Variants in VPS26C observed in about 807,000 individuals in gnomAD.
The protein encoded by VPS26C is vacuolar protein sorting-associated protein 26C.
VPS26C carries 19 observed loss-of-function variants against 30.6 expected under a neutral mutation model. The ratio of observed to expected loss-of-function variants is 0.62; its 90% confidence interval spans 0.43 to 0.91. The LOEUF is 0.91. Among genes scored for constraint, VPS26C ranks in the 40% least tolerant of loss-of-function variants. VPS26C has a pLI of 0.00. For missense variants in VPS26C, 318 were observed against 385.1 expected (o/e 0.83, Z 1.46); for synonymous variants, 132 against 151.5 (o/e 0.87, Z 0.95).
At chr21:37,263,203 A>G (rs1443191856) in intron 1 of VPS26C, among the ~76,000 whole-genome samples, 1 of 152,230 alleles carries the variant, frequency 6.6e-6, no homozygotes, top group Non-Finnish European at 1.5e-5. Flanking sequence ...TCTGGTGTCC[A>G]CAGAATCAAG....
Position 37,232,450 on chromosome 21 carries a change from G to A in VPS26C, c.434C>T (p.Pro145Leu). 2.5e-6 allele frequency: 4 copies of A among 1,614,048 alleles called. No individual in the cohort carries two copies. In the South Asian group the frequency reaches 4.4e-5, roughly 18 times the overall value. The change falls in exon 5 of 8, where the codon CCT (proline) becomes CTT (leucine). Residue 145 changes from proline to leucine, a missense_variant and splice_region_variant. Physicochemically the swap from Pro to Leu is moderately conservative, Grantham distance 98. Transcript: ENST00000309117. ...KTCEFIVHSA[P>L]QKGKFTPSPV... ...ACTGGGAGTAAACTTCCCCTTCTGA[G>A]GCTAAAACGAGAGGTGAAACCGAAA...
chr21:37,255,254 C>T (rs2086230899), intron 1 of VPS26C, among the ~76,000 whole-genome samples: 1 of 152,154 alleles, frequency 6.6e-6, no homozygotes, highest in Non-Finnish European at 1.5e-5. Context: ...CTGCTTGCTG[C>T]TCCTTTCCCA....
At chr21:37,262,224 G>A (rs927092804) in intron 1 of VPS26C, among the ~76,000 whole-genome samples, 6 of 152,188 alleles carry the variant, frequency 3.9e-5, no homozygotes, top group Non-Finnish European at 8.8e-5. Flanking sequence ...AAAGGACTCA[G>A]GTTGCGTCCC....
intron 1 of VPS26C, among the ~76,000 whole-genome samples, chr21:37,254,171 G>C (rs1419716971): frequency 1.3e-5 from 2 of 152,162 alleles, no homozygotes; most frequent in African/African-American, 4.8e-5. Context: ...ACTTATATAT[G>C]AACAACCAAA....
At chr21:37,239,546 G>C (rs1185852088) in intron 2 of VPS26C, among the ~76,000 whole-genome samples, 1 of 150,896 alleles carries the variant, frequency 6.6e-6, no homozygotes, top group Non-Finnish European at 1.5e-5. Flanking sequence ...TGACAGTTTT[G>C]ATTTTGGAAG....
At chr21:37,237,711 G>A (rs138107909) in intron 3 of VPS26C, 31 of 152,274 alleles carry the variant, frequency 2.0e-4, no homozygotes, top group African/African-American at 6.3e-4. Context: ...GGGTTTGGGG[G>A]GCTTTTATTT....
chr21:37,235,962 C>T (rs1642912667), intron 3 of VPS26C, among the ~76,000 whole-genome samples: 2 of 150,360 alleles, frequency 1.3e-5, no homozygotes, highest in South Asian at 4.2e-4. Context: ...CTTCTGGGCT[C>T]AAGTGATTCT....
rs1172106726 is a variant in VPS26C at position 37,267,303 on chromosome 21, C to A, written c.-9G>T. 3 of 1,493,500 alleles carry A rather than the reference C, an allele frequency of 2.0e-6. No individual in the cohort carries two copies. Among genetic ancestry groups the A allele is most frequent in the African/African-American group, 1.4e-5 (1 of 70,144 alleles). 92.5% of individuals were successfully genotyped at this position (1,493,500 alleles called of 1,614,324 possible). A position where few individuals can be genotyped will look rare whatever the true frequency, so the allele number is the denominator to read the frequency against. On this transcript the variant is annotated 5_prime_UTR_variant, in exon 1 of 8. Transcript: ENST00000309117. The stretch of plus-strand genomic sequence containing the variant: ...TCCAGGGCGGTCCCCATCTCCAATT[C>A]TCCGCAGCAGCCGCCACTTCCGGCT...
In VPS26C at chr21:37,264,007, T is replaced by C. The variant is rs77237694; in HGVS notation, c.57+3231A>G. ...CTCAAGGACCAGACAGCAAGGATCC[T>C]GCTACGTGAGGCTTGGAAAACAGCC... On this transcript the variant is annotated intron_variant, in intron 1 of 7. Coordinates refer to ENST00000309117, the MANE Select transcript of VPS26C (RefSeq NM_006052.2). Among the ~76,000 whole-genome samples, 224 of 152,280 alleles carry C rather than the reference T, an allele frequency of 1.5e-3. 1 individual carries two copies. Among genetic ancestry groups the C allele is most frequent in the African/African-American group, 5.2e-3 (217 of 41,562 alleles).
chr21:37,238,459 C>T lies in VPS26C; in HGVS notation c.351+1G>A, dbSNP rs2086047711. On this transcript the variant is annotated splice_donor_variant, in intron 3 of 7. Coordinates refer to ENST00000309117, the MANE Select transcript of VPS26C (RefSeq NM_006052.2). LOFTEE classifies it high-confidence loss of function. ...GTCGCGTAGGACTAGGAAGCTCTCA[C>T]CTGAATGTTGACAAACACGCCATGA... is the stretch of plus-strand genomic sequence containing the variant. The T allele has an allele frequency of 1.9e-6, 3 of 1,613,812 alleles. No individual in the cohort carries two copies. In the East Asian group the frequency reaches 6.7e-5, roughly 36 times the overall value.
intron 1 of VPS26C, among the ~76,000 whole-genome samples, chr21:37,241,734 A>G (rs1456571475): frequency 1.3e-5 from 2 of 152,186 alleles, no homozygotes; most frequent in African/African-American, 4.8e-5. Flanking sequence ...AGGTGGGAGA[A>G]TTGCTTGAGC....
chr21:37,238,351 AAC>A, intron 3 of VPS26C, 107 bp downstream of exon 3: 1 of 1,289,538 alleles, frequency 7.8e-7, no homozygotes, highest in Non-Finnish European at 1.1e-6. Flanking sequence ...CTCAGCAATA[AAC>A]ACAGTATTAA....
chr21:37,267,085 C>T, intron 1 of VPS26C, 153 bp downstream of exon 1: 2 of 752,862 alleles, frequency 2.7e-6, no homozygotes, highest in Non-Finnish European at 4.7e-6. Flanking sequence ...CGGGGACGCA[C>T]CTGGCGGGAA....
intron 7 of VPS26C, 61 bp downstream of exon 7, chr21:37,227,593 C>A (rs1453829554): frequency 4.4e-6 from 7 of 1,585,292 alleles, no homozygotes. Flanking sequence ...CCACAGCAGG[C>A]CCTGGCGCTG....
At chr21:37,267,012 G>A (rs918150439) in intron 1 of VPS26C, 5 of 570,508 alleles carry the variant, frequency 8.8e-6, no homozygotes, top group African/African-American at 8.1e-5. Context: ...CCGCAGATGC[G>A]GCGGCGGCGC....
In VPS26C at chr21:37,257,960, C is replaced by CCTGCG. The variant is rs1335129599; in HGVS notation, c.57+9273_57+9277dup. 4.6e-5 allele frequency among the ~76,000 whole-genome samples: 7 copies of CCTGCG among 152,348 alleles called. No individual in the cohort carries two copies. Among genetic ancestry groups the CCTGCG allele is most frequent in the Non-Finnish European group, 8.8e-5 (6 of 68,032 alleles). On this transcript the variant is annotated intron_variant, in intron 1 of 7. Transcript: ENST00000309117. The surrounding 1 kb of genome is among the most constrained non-coding windows in gnomAD (Gnocchi z 4.2). Reference sequence around the variant, plus strand: ...CCCACCAGCCGGCAGCGCCCACCAGCCTGCGCTGCGCTGCACATGGTACCC... The same window carrying CCTGCG: ...CCCACCAGCCGGCAGCGCCCACCAGCCTGCGCTGCGCTGCGCTGCACATGGTACCC...
At chr21:37,239,928 T>C (rs1271515886) in intron 2 of VPS26C, among the ~76,000 whole-genome samples, 2 of 152,126 alleles carry the variant, frequency 1.3e-5, no homozygotes, top group African/African-American at 4.8e-5. Context: ...AATTAATACA[T>C]TTATAGTTCT....
intron 5 of VPS26C, 74 bp downstream of exon 5, chr21:37,232,303 C>T (rs1014312120): frequency 4.3e-5 from 55 of 1,284,096 alleles, no homozygotes; most frequent in Non-Finnish European, 4.8e-5. Flanking sequence ...GAAGACCACC[C>T]GGGCAATAGC....
intron 3 of VPS26C, among the ~76,000 whole-genome samples, chr21:37,238,045 A>G (rs1402269326): frequency 1.4e-4 from 21 of 152,376 alleles, no homozygotes; most frequent in Non-Finnish European, 2.4e-4. Context: ...AGGTTTGTTC[A>G]GTAAAGAACA....
Sources: gnomAD v4.1 joint callset for allele counts (sites outside exome capture counted in the v4.1 genomes callset) on GRCh38, gnomAD v4.1.1 for gene constraint, Gnocchi (gnomAD v3.1) non-coding constraint, MANE v1.5 for transcripts, NCBI Gene and HGNC (gene_info 2026-07-23, HGNC 2026-07-21) for gene names.